PALD1: variants seen among roughly 807,000 people sequenced by gnomAD.
PALD1 encodes the protein paladin.
A neutral mutation model predicts 96.0 loss-of-function variants in PALD1; 57 were observed. That is an observed-to-expected ratio of 0.59 (90% CI 0.48 to 0.74). PALD1 has a LOEUF of 0.74. Among genes scored for constraint, PALD1 ranks in the 30% least tolerant of loss-of-function variants. The pLI is 0.00. For missense variants in PALD1, 1,063 were observed against 1,143.7 expected (o/e 0.93, Z 1.02); for synonymous variants, 464 against 473.6 (o/e 0.98, Z 0.26).
rs1272057075 is a variant in PALD1, at chr10:70,533,015, C to G, written c.815C>G (p.Pro272Arg). ...PTYRYHRLPL[P>R]EQGSPLEAQL... Reference sequence around the variant, plus strand: ...GGCAGGTACCACCGCCTGCCCCTGCCCGAGCAAGGGAGTCCCCTGGAGGCC... The same window carrying G: ...GGCAGGTACCACCGCCTGCCCCTGCGCGAGCAAGGGAGTCCCCTGGAGGCC... The change falls in exon 7 of 20, where the codon CCC (proline) becomes CGC (arginine). Residue 272 changes from proline to arginine, a missense_variant. Transcript: ENST00000263563. 1.3e-6 allele frequency: 2 copies of G among 1,584,794 alleles called. No homozygotes were observed. The highest frequency in any genetic ancestry group is 2.7e-5 in the African/African-American group (2 of 74,312).
intron 18 of PALD1, among the ~76,000 whole-genome samples, chr10:70,555,809 T>G (rs575582167): frequency 1.3e-5 from 2 of 152,206 alleles, no homozygotes; most frequent in Non-Finnish European, 2.9e-5. Context: ...AGACCATCCT[T>G]GCTAACACGG....
In PALD1 at chr10:70,564,350, G is replaced by A; in HGVS notation, c.2263-14G>A. ...GATCCCCCCACACTGACCCCACCCT[G>A]TCCTGTCCTCCAGGCGAAGGCAGCG... On this transcript the variant is annotated splice_polypyrimidine_tract_variant and intron_variant, in intron 18 of 19. Transcript: ENST00000263563. The A allele has an allele frequency of 1.2e-6, 2 of 1,609,172 alleles. No homozygotes were observed. Among genetic ancestry groups the A allele is most frequent in the South Asian group, 1.1e-5 (1 of 90,098 alleles).
chr10:70,539,363 G>A lies in PALD1; in HGVS notation c.1725+116G>A, dbSNP rs536139949. On this transcript the variant is annotated intron_variant, in intron 14 of 19. Transcript: ENST00000263563. The surrounding 1 kb of genome is among the most constrained non-coding windows in gnomAD (Gnocchi z 4.5). ...ACAGATGGAGAATCTGAGGCCCCGG[G>A]AGGAGCAGTGTCAGGGAGTGGCCAA... 160 of 1,189,096 alleles carry A rather than the reference G, an allele frequency of 1.3e-4. No homozygotes were observed. The highest frequency in any genetic ancestry group is 5.7e-4 in the Middle Eastern group (2 of 3,492). 73.7% of individuals were successfully genotyped at this position (1,189,096 alleles called of 1,614,324 possible). A position where few individuals can be genotyped will look rare whatever the true frequency, so the allele number is the denominator to read the frequency against.
chr10:70,509,414 G>T (rs1202643432), intron 1 of PALD1, among the ~76,000 whole-genome samples: 1 of 152,226 alleles, frequency 6.6e-6, no homozygotes, highest in Admixed American at 6.5e-5. Flanking sequence ...GTTCCAATGT[G>T]AAATGCACTT....
chr10:70,547,471 C>CACCCT, intron 18 of PALD1, 25 bp downstream of exon 18: 1 of 1,478,596 alleles, frequency 6.8e-7, no homozygotes, highest in Non-Finnish European at 9.1e-7. Flanking sequence ...CACCCCACCC[C>CACCCT]ACCCTGCCCC....
the PALD1 span, among the ~76,000 whole-genome samples, chr10:70,464,415 T>C: frequency 6.6e-6 from 1 of 152,000 alleles, no homozygotes; most frequent in Non-Finnish European, 1.5e-5. Flanking sequence ...GGTTTCACCA[T>C]GTTGGCCAGG....
At chr10:70,474,830 T>C (rs999838184), upstream of PALD1, among the ~76,000 whole-genome samples, 4 of 152,276 alleles carry the variant, frequency 2.6e-5, no homozygotes, top group Non-Finnish European at 5.9e-5. Flanking sequence ...CTGCGCCAGA[T>C]GGGGATGCTC....
intron 1 of PALD1, among the ~76,000 whole-genome samples, chr10:70,514,678 T>G (rs904351935): frequency 6.6e-6 from 1 of 152,066 alleles, no homozygotes; most frequent in African/African-American, 2.4e-5. Context: ...AATTCTCGGC[T>G]CTCTTGAGGG....
intron 1 of PALD1, among the ~76,000 whole-genome samples, chr10:70,518,248 G>C (rs2132333554): frequency 6.6e-6 from 1 of 152,288 alleles, no homozygotes; most frequent in African/African-American, 2.4e-5. Context: ...GCGTTCATCT[G>C]TTCACCAGTT....
chr10:70,494,792 G>T (rs1322567887), intron 1 of PALD1, among the ~76,000 whole-genome samples: 1 of 152,224 alleles, frequency 6.6e-6, no homozygotes, highest in African/African-American at 2.4e-5. Flanking sequence ...CCTCCATTCT[G>T]CAGACAGTGA....
chr10:70,473,897 C>A (rs963738591), upstream of PALD1, among the ~76,000 whole-genome samples: 3 of 149,486 alleles, frequency 2.0e-5, no homozygotes, highest in Non-Finnish European at 3.0e-5. Context: ...ATCCACCCCC[C>A]CCCCCTCAGC....
intron 18 of PALD1, among the ~76,000 whole-genome samples, chr10:70,549,009 G>A (rs111235440): frequency 0.013 from 1,465 of 112,868 alleles, 12 homozygotes; most frequent in Middle Eastern, 0.024. Context: ...AGGAGTTTGA[G>A]ACCTCCCTGG....
At chr10:70,556,290 C>CCCTCTCTG (rs1847608724) in intron 18 of PALD1, among the ~76,000 whole-genome samples, 2 of 145,022 alleles carry the variant, frequency 1.4e-5, no homozygotes, top group Admixed American at 6.8e-5. Flanking sequence ...CTCTCTCTCT[C>CCCTCTCTG]TCTCTCTCTC....
chr10:70,518,917 G>A (rs1235797795), intron 1 of PALD1, among the ~76,000 whole-genome samples: 1 of 152,190 alleles, frequency 6.6e-6, no homozygotes, highest in Non-Finnish European at 1.5e-5. Context: ...ATCTCTGTGT[G>A]TTCACAACAC....
intron 1 of PALD1, among the ~76,000 whole-genome samples, chr10:70,518,487 C>T (rs914510060): frequency 6.6e-6 from 1 of 152,180 alleles, no homozygotes; most frequent in African/African-American, 2.4e-5. Context: ...TTACTCATAT[C>T]TTCCTCAGAG....
At chr10:70,481,128 G>A (rs764152805) in intron 1 of PALD1, among the ~76,000 whole-genome samples, 2 of 152,330 alleles carry the variant, frequency 1.3e-5, no homozygotes, top group East Asian at 1.9e-4. Context: ...GATGGGAACC[G>A]ACATTCCCAG....
In PALD1 at chr10:70,525,601, G is replaced by A. The variant is rs1021588094; in HGVS notation, c.-29-322G>A. The stretch of plus-strand genomic sequence containing the variant: ...CTGAAATAGTCACTTTGAACTCTAG[G>A]CCCTGACCTGCTGTGGATGATTCAC... On this transcript the variant is annotated intron_variant, in intron 1 of 19. Transcript: ENST00000263563. Among the ~76,000 whole-genome samples, 7 of 151,856 alleles carry A rather than the reference G, an allele frequency of 4.6e-5. No homozygotes were observed. In the South Asian group the frequency reaches 1.0e-3, roughly 23 times the overall value.
intron 17 of PALD1, among the ~76,000 whole-genome samples, chr10:70,547,075 A>G (rs1338130366): frequency 6.6e-6 from 1 of 152,238 alleles, no homozygotes; most frequent in Admixed American, 6.5e-5. Context: ...AACACAACCA[A>G]TAAATCCCAA....
chr10:70,464,212 CTT>C, the PALD1 span, among the ~76,000 whole-genome samples: 4 of 132,868 alleles, frequency 3.0e-5, no homozygotes, highest in Non-Finnish European at 3.1e-5. Context: ...TTGTATCTGG[CTT>C]TTTTTTTTTT....
Sources: allele counts gnomAD v4.1 joint callset (sites outside exome capture counted in the v4.1 genomes callset), GRCh38; gene constraint gnomAD v4.1.1; non-coding constraint Gnocchi (gnomAD v3.1); transcripts MANE v1.5; gene names NCBI Gene and HGNC (gene_info 2026-07-23, HGNC 2026-07-21).